Variants in STK3 observed in about 807,000 individuals in gnomAD.
STK3 encodes the protein serine/threonine kinase 3.
STK3 carries 41 observed loss-of-function variants against 58.0 expected under a neutral mutation model. The ratio of observed to expected loss-of-function variants is 0.71; its 90% CI spans 0.55 to 0.92. The LOEUF is 0.92. STK3 is among the 40% of genes least tolerant of loss of function. STK3 has a pLI of 0.00. For missense variants in STK3, 479 were observed against 602.7 expected (o/e 0.79, Z 2.15); for synonymous variants, 170 against 191.0 (o/e 0.89, Z 0.91).
Position 98,790,395 on chromosome 8 carries a change from G to A in STK3, c.27-15576C>T, listed in dbSNP as rs369279380. On this transcript the variant is annotated intron_variant, in intron 1 of 10. Transcript: ENST00000419617. ...CATACACAATGTGATGATACACCAC[G>A]TAAACAGAATCGAACACGAAAATCA... Among the ~76,000 whole-genome samples, 128 of 152,290 alleles carry A rather than the reference G, an allele frequency of 8.4e-4. No individual in the cohort carries two copies. In the South Asian group the frequency reaches 0.025, roughly 30 times the overall value.
In STK3 at chr8:98,921,990, G is replaced by A. The variant is rs1436927989; in HGVS notation, c.-79+20388C>T. The stretch of plus-strand genomic sequence containing the variant: ...ATTACAAGCATAAGCCACCACGCCC[G>A]GCCTATCAACAGTCATTTCTATCTC... On this transcript the variant is annotated intron_variant, in intron 1 of 1. Transcript: ENST00000519420. Among the ~76,000 whole-genome samples the A allele has an allele frequency of 2.6e-5, 4 of 152,064 alleles. No individual in the cohort carries two copies. In the East Asian group the frequency reaches 5.8e-4, roughly 22 times the overall value.
chr8:98,670,295 G>A (rs1235024331), intron 6 of STK3, among the ~76,000 whole-genome samples: 3 of 152,182 alleles, frequency 2.0e-5, no homozygotes, highest in African/African-American at 7.2e-5. Flanking sequence ...CCAGGCTCGA[G>A]GGGTTGCAGT....
chr8:98,690,930 C>A (rs769733099), intron 6 of STK3, among the ~76,000 whole-genome samples: 19 of 152,110 alleles, frequency 1.2e-4, no homozygotes, highest in Non-Finnish European at 5.9e-5. Context: ...CAGCTGGAGG[C>A]CATAGTCCTA....
At chr8:98,774,679 T>C (rs1831546184) in intron 2 of STK3, 60 bp downstream of exon 2, 2 of 1,181,090 alleles carry the variant, frequency 1.7e-6, no homozygotes, top group Non-Finnish European at 2.4e-6. Context: ...ATTAACATCA[T>C]ATAATATTTT....
intron 3 of STK3, among the ~76,000 whole-genome samples, chr8:98,418,871 G>A (rs953935926): frequency 6.6e-5 from 10 of 152,152 alleles, no homozygotes; most frequent in Non-Finnish European, 1.5e-4. Context: ...CAAGCCCTCT[G>A]TGCTCCACTC....
intron 3 of STK3, among the ~76,000 whole-genome samples, chr8:98,433,662 C>A (rs1181813150): frequency 1.3e-5 from 2 of 152,222 alleles, no homozygotes; most frequent in Non-Finnish European, 2.9e-5. Context: ...TTCTGCATGT[C>A]TCTCTATGTC....
intron 1 of STK3, among the ~76,000 whole-genome samples, chr8:98,939,849 C>T (rs1395736270): frequency 2.6e-5 from 4 of 152,238 alleles, no homozygotes; most frequent in African/African-American, 9.6e-5. Context: ...CGGTTGGGGC[C>T]TTCCCAGAGG....
intron 3 of STK3, among the ~76,000 whole-genome samples, chr8:98,758,469 T>C (rs985247519): frequency 2.6e-5 from 4 of 152,244 alleles, no homozygotes; most frequent in Non-Finnish European, 4.4e-5. Flanking sequence ...GTAGGCTTTA[T>C]TGCTGGGATG....
chr8:98,905,247 C>CT, intron 1 of STK3: 1 of 845,548 alleles, frequency 1.2e-6, no homozygotes, highest in Non-Finnish European at 2.1e-6. Flanking sequence ...CATGCATTAT[C>CT]TTGCCTTGAA....
intron 6 of STK3, chr8:98,598,313 TTAACTC>T (rs1212571136): frequency 2.4e-5 from 24 of 985,256 alleles, no homozygotes; most frequent in Middle Eastern, 1.0e-3. Flanking sequence ...GATAAAAAGC[TTAACTC>T]TAACTCTTAT....
intron 6 of STK3, among the ~76,000 whole-genome samples, chr8:98,702,796 C>T (rs1482314252): frequency 6.6e-6 from 1 of 152,198 alleles, no homozygotes; most frequent in African/African-American, 2.4e-5. Context: ...TTAGGCAATA[C>T]CACCAGTGGC....
At chr8:98,678,101 A>G (rs544083225) in intron 6 of STK3, among the ~76,000 whole-genome samples, 72 of 152,344 alleles carry the variant, frequency 4.7e-4, no homozygotes, top group African/African-American at 1.7e-3. Flanking sequence ...TCTGTTCATT[A>G]TTAATTGCAT....
intron 9 of STK3, among the ~76,000 whole-genome samples, chr8:98,539,186 T>C (rs531580963): frequency 1.3e-5 from 2 of 152,346 alleles, no homozygotes; most frequent in East Asian, 1.9e-4. Context: ...GGCTCAAGGC[T>C]GTACGATTCT....
At chr8:98,915,432 CTATATATATATATATATATATA>C (rs56187203) in intron 1 of STK3, among the ~76,000 whole-genome samples, 23 of 94,740 alleles carry the variant, frequency 2.4e-4, no homozygotes, top group Admixed American at 4.6e-4. Flanking sequence ...ATAAACTTTC[CTATATATATATATATATATATA>C]TATATATATA....
chr8:98,579,807 A>C lies in STK3; in HGVS notation c.823-18T>G, dbSNP rs766940791. On this transcript the variant is annotated intron_variant, in intron 7 of 10. Transcript: ENST00000419617. ...AAAGGATGCTAAAAAAGTAAAATTC[A>C]ATGGTATAAATTCAAAAGATTTTTC... The C allele has an allele frequency of 1.9e-6, 3 of 1,561,296 alleles. No individual in the cohort carries two copies. In the South Asian group the frequency reaches 3.7e-5, roughly 19 times the overall value.
chr8:98,851,514 G>A (rs1836468505), intron 3 of STK3, among the ~76,000 whole-genome samples: 1 of 152,304 alleles, frequency 6.6e-6, no homozygotes, highest in South Asian at 2.1e-4. Context: ...TCAACAATTA[G>A]CTCTAAGGAG....
chr8:98,867,315 G>A (rs1837180658), intron 3 of STK3, among the ~76,000 whole-genome samples: 1 of 152,150 alleles, frequency 6.6e-6, no homozygotes, highest in Non-Finnish European at 1.5e-5. Context: ...ATGGCAGGCT[G>A]GGGCAAGAGG....
At chr8:98,344,974 G>A in the STK3 span, among the ~76,000 whole-genome samples, 2 of 149,268 alleles carry the variant, frequency 1.3e-5, no homozygotes, top group East Asian at 3.9e-4. Context: ...ATCACCTATA[G>A]TAATGTTGCA....
chr8:98,720,234 AT>A (rs991849387), intron 4 of STK3, among the ~76,000 whole-genome samples: 12 of 152,354 alleles, frequency 7.9e-5, no homozygotes, highest in Middle Eastern at 3.4e-3. Flanking sequence ...TTTACAGTTT[AT>A]AAAAAGTATT....
Sources: allele counts gnomAD v4.1 joint callset (sites outside exome capture counted in the v4.1 genomes callset), GRCh38; gene constraint gnomAD v4.1.1; transcripts MANE v1.5; gene names NCBI Gene and HGNC (gene_info 2026-07-23, HGNC 2026-07-21).